NKAIN3: variants seen among roughly 807,000 people sequenced by gnomAD.
The protein encoded by NKAIN3 is sodium/potassium-transporting ATPase subunit beta-1-interacting protein 3.
In NKAIN3, 25 loss-of-function variants were observed where a neutral mutation model predicts 30.2. The ratio of observed to expected loss-of-function variants is 0.83; its 90% CI spans 0.60 to 1.16. The LOEUF is 1.16. Among genes scored for constraint, NKAIN3 ranks in the 50% most tolerant of loss-of-function variants. The probability of loss-of-function intolerance (pLI) is 0.00; values close to 1 mark genes in which losing one functional copy is unlikely to be tolerated. For missense variants in NKAIN3, 225 were observed against 254.1 expected (o/e 0.89, Z 0.78); for synonymous variants, 91 against 89.6 (o/e 1.02, Z -0.09).
At chr8:62,686,487 ATACTCTTCACCAC>A (rs1210503455) in intron 3 of NKAIN3, among the ~76,000 whole-genome samples, 1 of 152,130 alleles carries the variant, frequency 6.6e-6, no homozygotes, top group African/African-American at 2.4e-5. Context: ...GGGTAGAGAG[ATACTCTTCACCAC>A]TACTCTTACT....
intron 4 of NKAIN3, among the ~76,000 whole-genome samples, chr8:62,784,255 C>G (rs1205051325): frequency 2.0e-5 from 3 of 151,298 alleles, no homozygotes; most frequent in Non-Finnish European, 4.4e-5. Context: ...CTAAAGCAAG[C>G]AGAAGTAAAG....
At chr8:62,863,494 A>C in intron 4 of NKAIN3, 1 of 1,538,912 alleles carries the variant, frequency 6.5e-7, no homozygotes, top group South Asian at 1.1e-5. Flanking sequence ...CAGACAACGT[A>C]CTGGGTGGGA....
intron 3 of NKAIN3, among the ~76,000 whole-genome samples, chr8:62,625,487 A>C (rs1286786557): frequency 1.3e-5 from 2 of 152,048 alleles, no homozygotes; most frequent in African/African-American, 4.8e-5. Flanking sequence ...CAGAAACTAC[A>C]TTTCTGATCC....
rs1824090686 is a variant in NKAIN3 at position 62,981,903 on chromosome 8, T to G, written c.*16496T>G. On this transcript the variant is annotated 3_prime_UTR_variant, in exon 7 of 7. Coordinates refer to ENST00000623646, the MANE Select transcript of NKAIN3 (RefSeq NM_001304533.3). Reference sequence around the variant, plus strand: ...AACCCTTTGTTTAAATCCTATTAACTCTTAACGATACACAGTTCGAATTAT... The same window carrying G: ...AACCCTTTGTTTAAATCCTATTAACGCTTAACGATACACAGTTCGAATTAT... 6.6e-6 allele frequency: 1 copy of G among 152,124 alleles called. No individual in the cohort carries two copies. Among genetic ancestry groups the G allele is most frequent in the Non-Finnish European group, 1.5e-5 (1 of 67,998 alleles). 9.4% of individuals were successfully genotyped at this position (152,124 alleles called of 1,614,324 possible). A position where few individuals can be genotyped will look rare whatever the true frequency, so the allele number is the denominator to read the frequency against.
At chr8:62,531,043 G>T (rs1808472151) in intron 1 of NKAIN3, among the ~76,000 whole-genome samples, 1 of 152,124 alleles carries the variant, frequency 6.6e-6, no homozygotes, top group South Asian at 2.1e-4. Context: ...TTTGCATAAT[G>T]TTCATATGTT....
chr8:62,654,731 A>C (rs887307224), intron 3 of NKAIN3, among the ~76,000 whole-genome samples: 11 of 152,178 alleles, frequency 7.2e-5, no homozygotes, highest in African/African-American at 2.7e-4. Context: ...CAAGATTTTC[A>C]AAAATTTACC....
intron 6 of NKAIN3, among the ~76,000 whole-genome samples, chr8:62,961,405 T>C (rs1823566734): frequency 6.6e-6 from 1 of 151,974 alleles, no homozygotes. Context: ...ACTGATACTA[T>C]AGAAATACAA....
chr8:62,654,406 T>C (rs1812708750), intron 3 of NKAIN3, among the ~76,000 whole-genome samples: 1 of 152,008 alleles, frequency 6.6e-6, no homozygotes, highest in Non-Finnish European at 1.5e-5. Flanking sequence ...CTAAGACAGG[T>C]CATAAGTTGT....
At chr8:62,855,582 C>A (rs1820037771) in intron 4 of NKAIN3, 5 of 1,585,192 alleles carry the variant, frequency 3.2e-6, no homozygotes, top group Non-Finnish European at 3.5e-6. Context: ...ATTGCTTCAA[C>A]CTTGGGCAAT....
intron 1 of NKAIN3, among the ~76,000 whole-genome samples, chr8:62,515,061 G>C (rs1035154841): frequency 5.3e-5 from 8 of 151,920 alleles, no homozygotes; most frequent in African/African-American, 1.2e-4. Context: ...TCTTCCAAAG[G>C]CTCTACCATC....
chr8:62,754,304 A>G (rs985550074), intron 4 of NKAIN3, among the ~76,000 whole-genome samples: 1 of 151,408 alleles, frequency 6.6e-6, no homozygotes, highest in Non-Finnish European at 1.5e-5. Flanking sequence ...TCCCTTTTTA[A>G]TTTTCAGTGT....
At chr8:62,482,078 C>G (rs192251164) in intron 1 of NKAIN3, 1 of 152,196 alleles carries the variant, frequency 6.6e-6, no homozygotes, top group Non-Finnish European at 1.5e-5. Flanking sequence ...ATCTCCCTAT[C>G]GTCACTTCTA....
chr8:62,715,744 T>C (rs1318929451), intron 3 of NKAIN3, among the ~76,000 whole-genome samples: 2 of 152,194 alleles, frequency 1.3e-5, no homozygotes, highest in Non-Finnish European at 2.9e-5. Context: ...ATTAAATTGC[T>C]GCCTGGTGGG....
chr8:62,658,152 A>G (rs1812821005), intron 3 of NKAIN3, among the ~76,000 whole-genome samples: 1 of 152,196 alleles, frequency 6.6e-6, no homozygotes, highest in Non-Finnish European at 1.5e-5. Context: ...TTGAGAGTGT[A>G]TTCTCACAAA....
chr8:62,845,230 G>A (rs940858879), intron 4 of NKAIN3, among the ~76,000 whole-genome samples: 3 of 142,814 alleles, frequency 2.1e-5, no homozygotes, highest in African/African-American at 7.7e-5. Context: ...TTGGCTCTGT[G>A]TTTTATAAAT....
intron 4 of NKAIN3, among the ~76,000 whole-genome samples, chr8:62,752,905 T>A (rs1206863311): frequency 6.6e-6 from 1 of 152,176 alleles, no homozygotes; most frequent in Non-Finnish European, 1.5e-5. Flanking sequence ...GTCAAATTAT[T>A]TCTGATGCAG....
chr8:62,402,298 G>T (rs1803899974), intron 1 of NKAIN3, among the ~76,000 whole-genome samples: 1 of 152,106 alleles, frequency 6.6e-6, no homozygotes, highest in Non-Finnish European at 1.5e-5. Flanking sequence ...TCCAGGCCTG[G>T]AACTCTCTTT....
chr8:62,492,404 T>C (rs1014745852), intron 1 of NKAIN3, among the ~76,000 whole-genome samples: 1 of 152,134 alleles, frequency 6.6e-6, no homozygotes, highest in Non-Finnish European at 1.5e-5. Context: ...ATTTCTGGGG[T>C]GCAGTGAGTC....
chr8:62,558,681 T>G (rs973091645), intron 1 of NKAIN3, among the ~76,000 whole-genome samples: 1 of 152,084 alleles, frequency 6.6e-6, no homozygotes, highest in Admixed American at 6.6e-5. Flanking sequence ...TGTTTTCAAA[T>G]TCATTGATTT....
Sources: gnomAD v4.1 joint callset for allele counts (sites outside exome capture counted in the v4.1 genomes callset) on GRCh38, gnomAD v4.1.1 for gene constraint, MANE v1.5 for transcripts, NCBI Gene and HGNC (gene_info 2026-07-23, HGNC 2026-07-21) for gene names.